Variants in MET observed in about 807,000 individuals in gnomAD.
MET encodes the protein MET proto-oncogene, receptor tyrosine kinase.
MET carries 48 observed loss-of-function variants against 133.1 expected under a neutral mutation model. The observed-to-expected ratio is 0.36, with a 90% CI of 0.29 to 0.46. The LOEUF is 0.46. Ranked by LOEUF, MET falls within the 20% of genes least tolerant of loss-of-function variation. The pLI is 1.00. For synonymous variants in MET, 628 were observed against 616.5 expected (o/e 1.02, Z -0.28); for missense variants, 1,442 against 1,695.9 (o/e 0.85, Z 2.63).
intron 2 of MET, among the ~76,000 whole-genome samples, chr7:116,700,508 T>C (rs1449800720): frequency 6.6e-6 from 1 of 152,204 alleles, no homozygotes; most frequent in Admixed American, 6.6e-5. Context: ...GTTTTTACAA[T>C]TCAGATTTGC....
At chr7:116,754,404 A>G (rs1170146791) in intron 5 of MET, among the ~76,000 whole-genome samples, 1 of 152,188 alleles carries the variant, frequency 6.6e-6, no homozygotes, top group Non-Finnish European at 1.5e-5. Flanking sequence ...AAGGAGTTTG[A>G]TAAGAGCTCA....
chr7:116,739,670 G>T (rs1793367190), intron 3 of MET, among the ~76,000 whole-genome samples: 1 of 152,140 alleles, frequency 6.6e-6, no homozygotes, highest in Non-Finnish European at 1.5e-5. Flanking sequence ...CAATTGCAGG[G>T]ATTTGTCTGT....
intron 5 of MET, among the ~76,000 whole-genome samples, chr7:116,741,514 A>G (rs1256607494): frequency 6.6e-6 from 1 of 152,204 alleles, no homozygotes; most frequent in African/African-American, 2.4e-5. Context: ...TGAATCCTGC[A>G]AACTGGTGAT....
chr7:116,744,535 C>G (rs1306430151), intron 5 of MET, among the ~76,000 whole-genome samples: 1 of 152,112 alleles, frequency 6.6e-6, no homozygotes, highest in Non-Finnish European at 1.5e-5. Context: ...AAATATGCGA[C>G]TATGTGAAAA....
chr7:116,708,280 A>G (rs910568990), intron 2 of MET, among the ~76,000 whole-genome samples: 1 of 152,198 alleles, frequency 6.6e-6, no homozygotes, highest in Admixed American at 6.5e-5. Flanking sequence ...GCTAACCTTT[A>G]TATAAAGCTT....
chr7:116,730,435 A>C (rs181257423), intron 2 of MET, among the ~76,000 whole-genome samples: 166 of 152,232 alleles, frequency 1.1e-3, no homozygotes, highest in Admixed American at 3.0e-3. Context: ...ATAGAGAGGG[A>C]TATGGTCAGA....
intron 5 of MET, 130 bp downstream of exon 5, chr7:116,741,155 T>C (rs1372414421): frequency 2.8e-6 from 3 of 1,083,244 alleles, no homozygotes; most frequent in Non-Finnish European, 4.0e-6. Flanking sequence ...AAAATCAATT[T>C]ACTCATTTAG....
intron 1 of MET, among the ~76,000 whole-genome samples, chr7:116,693,104 G>A (rs1450556347): frequency 6.6e-6 from 1 of 152,160 alleles, no homozygotes; most frequent in African/African-American, 2.4e-5. Flanking sequence ...AGCCAGATCT[G>A]GCAAGTTACA....
rs761951444 is a variant in MET, at chr7:116,740,964, G to C, written c.1640G>C (p.Arg547Pro). 1 of 1,613,972 alleles carries C rather than the reference G, an allele frequency of 6.2e-7. No homozygotes were observed. Among genetic ancestry groups the C allele is most frequent in the Non-Finnish European group, 8.5e-7 (1 of 1,180,006 alleles). ...GGCTGGTGCCACGACAAATGTGTGC[G>C]ATCGGAGGAATGCCTGAGCGGGACA... ...QCGWCHDKCVRSEECLSGTWT... is the reference protein window; with the variant it reads ...QCGWCHDKCVPSEECLSGTWT... Residue 547 changes from arginine to proline, a missense_variant, in exon 5 of 21, where the codon CGA becomes CCA. Arg to Pro is a moderately radical substitution (Grantham distance 103). Around this residue, in one of 6 missense-constraint regions of MET, gnomAD observed 762 missense variants for 792.4 expected, o/e 0.96. Coordinates refer to ENST00000397752, the MANE Select transcript of MET (RefSeq NM_000245.4).
chr7:116,741,464 A>G (rs970371015), intron 5 of MET, among the ~76,000 whole-genome samples: 2 of 152,180 alleles, frequency 1.3e-5, no homozygotes, highest in African/African-American at 2.4e-5. Flanking sequence ...CCTCCATCAC[A>G]GAAACAGATC....
intron 2 of MET, among the ~76,000 whole-genome samples, chr7:116,706,520 C>T (rs1032763257): frequency 8.5e-5 from 13 of 152,082 alleles, no homozygotes; most frequent in Non-Finnish European, 1.5e-4. Context: ...ATATGAACCT[C>T]CTTGAGTAAT....
At chr7:116,789,604 AT>A (rs1488986790) in intron 19 of MET, among the ~76,000 whole-genome samples, 2 of 151,992 alleles carry the variant, frequency 1.3e-5, no homozygotes, top group African/African-American at 2.4e-5. Context: ...AACCAGATTT[AT>A]TTTCTGTCTC....
At chr7:116,730,258 G>A (rs751493573) in intron 2 of MET, among the ~76,000 whole-genome samples, 3 of 152,264 alleles carry the variant, frequency 2.0e-5, no homozygotes, top group Non-Finnish European at 4.4e-5. Flanking sequence ...GGGAGAACAC[G>A]TGACATATTT....
In MET at chr7:116,782,004, A is replaced by T. The variant is rs751961995; in HGVS notation, c.3539A>T (p.Asp1180Val). ...TGACTGCAGAATCCAACTGTAAAAGATCTTATTGGCTTTGGTCTTCAAGTA... is the reference window on the plus strand; with the variant it reads ...TGACTGCAGAATCCAACTGTAAAAGTTCTTATTGGCTTTGGTCTTCAAGTA... The part of the protein sequence containing the change: ...RNETHNPTVK[D>V]LIGFGLQVAK... Residue 1180 changes from aspartate (D) to valine (V), a missense_variant, in exon 18 of 21, where the codon GAT (aspartate) becomes GTT (valine). Transcript: ENST00000397752. 2.5e-6 allele frequency: 4 copies of T among 1,612,884 alleles called. No individual in the cohort carries two copies. The highest frequency in any genetic ancestry group is 3.3e-5 in the Admixed American group (2 of 59,988).
rs1440645474 is a variant in MET, at chr7:116,705,039, A to G, written c.1200+4755A>G. On this transcript the variant is annotated intron_variant, in intron 2 of 20. Coordinates refer to ENST00000397752, the MANE Select transcript of MET (RefSeq NM_000245.4). ...TAAAGAGTCACTACTCAGAGCCATC[A>G]AAGGAAGAAAGCAAAGTGATTAGAA... Among the ~76,000 whole-genome samples the G allele has an allele frequency of 2.6e-5, 4 of 152,248 alleles. No individual in the cohort carries two copies. The East Asian group carries it at 7.7e-4, about 29-fold the overall frequency.
intron 2 of MET, among the ~76,000 whole-genome samples, chr7:116,705,875 A>G (rs1464528009): frequency 1.3e-5 from 2 of 152,136 alleles, no homozygotes; most frequent in Admixed American, 6.6e-5. Flanking sequence ...AAAGAAATTT[A>G]AAATTAGTTT....
intron 10 of MET, 53 bp downstream of exon 10, chr7:116,759,543 C>T (rs755694349): frequency 2.5e-6 from 4 of 1,583,432 alleles, no homozygotes; most frequent in South Asian, 1.1e-5. Context: ...TTGCCTCTAA[C>T]CATGTGGCTT....
At chr7:116,771,070 C>T (rs927893511) in intron 12 of MET, among the ~76,000 whole-genome samples, 1 of 152,072 alleles carries the variant, frequency 6.6e-6, no homozygotes, top group Non-Finnish European at 1.5e-5. Flanking sequence ...CAATTATTTA[C>T]CTCTTATGGG....
In MET at chr7:116,699,768, T is replaced by A. The variant is rs1178150031; in HGVS notation, c.684T>A (p.Phe228Leu). Residue 228 changes from phenylalanine (F) to leucine (L), a missense_variant, in exon 2 of 21, where the codon TTT (phenylalanine) becomes TTA (leucine). Transcript: ENST00000397752. ...RLKETKDGFMFLTDQSYIDVL... is the reference protein window; with the variant it reads ...RLKETKDGFMLLTDQSYIDVL... ...AGGAAACGAAAGATGGTTTTATGTT[T>A]TTGACGGACCAGTCCTACATTGATG... 1 of 1,614,136 alleles carries A rather than the reference T, an allele frequency of 6.2e-7. No homozygotes were observed. The highest frequency in any genetic ancestry group is 8.5e-7 in the Non-Finnish European group (1 of 1,179,986).
Sources: allele counts gnomAD v4.1 joint callset (sites outside exome capture counted in the v4.1 genomes callset), GRCh38; gene constraint gnomAD v4.1.1; regional missense constraint gnomAD v4.1.1; transcripts MANE v1.5; gene names NCBI Gene and HGNC (gene_info 2026-07-23, HGNC 2026-07-21).